EXOC6B: variants seen among roughly 807,000 people sequenced by gnomAD.
EXOC6B encodes exocyst complex component 6B, also known as SEC15 homolog B.
EXOC6B carries 54 observed loss-of-function variants against 113.5 expected under a neutral mutation model. The ratio of observed to expected loss-of-function variants is 0.48; its 90% CI spans 0.38 to 0.60. EXOC6B has a LOEUF of 0.60. EXOC6B is among the 20% of genes least tolerant of loss of function. The probability of loss-of-function intolerance (pLI) is 0.00; values close to 1 mark genes in which losing one functional copy is unlikely to be tolerated. For missense variants in EXOC6B, 797 were observed against 977.5 expected (o/e 0.82, Z 2.46); for synonymous variants, 357 against 339.0 (o/e 1.05, Z -0.58).
Position 72,176,855 on chromosome 2 carries a change from T to A in EXOC6B, c.*2480A>T, listed in dbSNP as rs1677763602. 6.6e-6 allele frequency: 1 copy of A among 152,192 alleles called. No individual in the cohort carries two copies. Among genetic ancestry groups the A allele is most frequent in the African/African-American group, 2.4e-5 (1 of 41,434 alleles). The allele number at this position is 152,192 out of a possible 1,614,324, so 9.4% of individuals were successfully genotyped here. ...TGAGGCCCTCCACGGTACTTCTACA[T>A]CTCTAGGTATTTGAGGCCATATCTG... On this transcript the variant is annotated 3_prime_UTR_variant, in exon 22 of 22. Coordinates refer to ENST00000272427, the MANE Select transcript of EXOC6B (RefSeq NM_015189.3).
intron 7 of EXOC6B, among the ~76,000 whole-genome samples, chr2:72,573,704 C>A (rs1326693080): frequency 6.6e-6 from 1 of 152,106 alleles, no homozygotes; most frequent in Non-Finnish European, 1.5e-5. Context: ...TATTAATGTA[C>A]TTCATTTACA....
At chr2:72,184,792 T>C (rs1678315859) in intron 20 of EXOC6B, among the ~76,000 whole-genome samples, 1 of 152,244 alleles carries the variant, frequency 6.6e-6, no homozygotes, top group African/African-American at 2.4e-5. Flanking sequence ...ATGGATCATG[T>C]AGCATTTATA....
At chr2:72,705,177 C>T (rs927288022) in intron 6 of EXOC6B, among the ~76,000 whole-genome samples, 134 of 152,012 alleles carry the variant, frequency 8.8e-4, no homozygotes, top group African/African-American at 2.7e-3. Context: ...GTTCAATATA[C>T]GCAAATCAAT....
intron 20 of EXOC6B, among the ~76,000 whole-genome samples, chr2:72,264,867 C>T (rs1036030001): frequency 6.6e-6 from 1 of 152,048 alleles, no homozygotes; most frequent in East Asian, 1.9e-4. Context: ...GCCTCCTCAG[C>T]CATGCTGAAC....
At chr2:72,736,231 C>T (rs1417090966) in intron 2 of EXOC6B, among the ~76,000 whole-genome samples, 1 of 151,338 alleles carries the variant, frequency 6.6e-6, no homozygotes, top group Non-Finnish European at 1.5e-5. Flanking sequence ...GAAACTATAC[C>T]AGCTGTCTAG....
intron 18 of EXOC6B, among the ~76,000 whole-genome samples, chr2:72,458,499 A>T (rs766353026): frequency 3.9e-5 from 6 of 152,124 alleles, no homozygotes; most frequent in Admixed American, 6.6e-5. Flanking sequence ...TAGACAAGAC[A>T]GAAATATGGC....
chr2:72,599,822 C>T (rs144035538), intron 6 of EXOC6B, among the ~76,000 whole-genome samples: 9 of 151,668 alleles, frequency 5.9e-5, no homozygotes, highest in Non-Finnish European at 8.8e-5. Context: ...GAAACAATTA[C>T]GTATAAATCT....
chr2:72,374,222 A>G (rs913498020), intron 19 of EXOC6B, among the ~76,000 whole-genome samples: 1 of 152,228 alleles, frequency 6.6e-6, no homozygotes, highest in Non-Finnish European at 1.5e-5. Context: ...AAGAGATTTT[A>G]TATCTGCACT....
intron 19 of EXOC6B, among the ~76,000 whole-genome samples, chr2:72,361,227 T>C (rs1305223333): frequency 6.6e-6 from 1 of 152,204 alleles, no homozygotes; most frequent in Non-Finnish European, 1.5e-5. Flanking sequence ...TCTTCAAGGA[T>C]GACTAAACAT....
chr2:72,392,150 G>T (rs890652005), intron 18 of EXOC6B, among the ~76,000 whole-genome samples: 1 of 152,124 alleles, frequency 6.6e-6, no homozygotes, highest in Non-Finnish European at 1.5e-5. Flanking sequence ...TGGAGTCAGG[G>T]TTTTCTGTTC....
chr2:72,736,107 C>T (rs1005821677), intron 2 of EXOC6B, among the ~76,000 whole-genome samples: 3 of 151,528 alleles, frequency 2.0e-5, no homozygotes, highest in Admixed American at 6.6e-5. Context: ...ATCACTTGAA[C>T]TTGGGAGGCA....
At chr2:72,198,720 A>G (rs1353141461) in intron 20 of EXOC6B, among the ~76,000 whole-genome samples, 1 of 152,188 alleles carries the variant, frequency 6.6e-6, no homozygotes. Context: ...ACTGTTCCCC[A>G]TAACTGTTCT....
At chr2:72,225,545 A>G (rs1195550630) in intron 20 of EXOC6B, among the ~76,000 whole-genome samples, 1 of 152,178 alleles carries the variant, frequency 6.6e-6, no homozygotes, top group East Asian at 1.9e-4. Context: ...GCCTACGTGG[A>G]GACTGTGAGA....
chr2:72,669,776 G>A (rs1185562497), intron 6 of EXOC6B, among the ~76,000 whole-genome samples: 1 of 152,192 alleles, frequency 6.6e-6, no homozygotes, highest in African/African-American at 2.4e-5. Context: ...TTGGCAGCAG[G>A]TAGAGCCAGG....
At chr2:72,739,278 T>C (rs376280584) in intron 2 of EXOC6B, among the ~76,000 whole-genome samples, 14 of 152,278 alleles carry the variant, frequency 9.2e-5, no homozygotes, top group African/African-American at 2.6e-4. Context: ...GTTTTAAGTA[T>C]TGACACCTTA....
intron 6 of EXOC6B, among the ~76,000 whole-genome samples, chr2:72,663,066 G>A (rs1364729292): frequency 6.6e-6 from 1 of 152,036 alleles, no homozygotes; most frequent in African/African-American, 2.4e-5. Context: ...AAGACCCAGC[G>A]ATCTCATTCC....
chr2:72,389,783 T>G (rs1054562322), intron 18 of EXOC6B, among the ~76,000 whole-genome samples: 1 of 152,342 alleles, frequency 6.6e-6, no homozygotes, highest in African/African-American at 2.4e-5. Context: ...GTATGTACTA[T>G]GTATTTTTTC....
At chr2:72,363,607 T>C (rs530072765) in intron 19 of EXOC6B, among the ~76,000 whole-genome samples, 1 of 152,094 alleles carries the variant, frequency 6.6e-6, no homozygotes, top group African/African-American at 2.4e-5. Flanking sequence ...CTGATGATGA[T>C]GATGATGATG....
chr2:72,667,000 C>T (rs746644833), intron 6 of EXOC6B, among the ~76,000 whole-genome samples: 1 of 151,950 alleles, frequency 6.6e-6, no homozygotes, highest in Non-Finnish European at 1.5e-5. Context: ...GTAGCTGGGA[C>T]CACAGGTGCA....
Sources: allele counts gnomAD v4.1 joint callset (sites outside exome capture counted in the v4.1 genomes callset), GRCh38; gene constraint gnomAD v4.1.1; transcripts MANE v1.5; gene names NCBI Gene and HGNC (gene_info 2026-07-23, HGNC 2026-07-21).